The following CNTN4 variants were observed in gnomAD, a reference collection of about 807,000 sequenced individuals.
The protein encoded by CNTN4 is contactin-4.
Under a neutral mutation model 122.5 loss-of-function variants are expected in CNTN4, and 77 were observed. The observed-to-expected ratio is 0.63, with a 90% CI of 0.52 to 0.76. The LOEUF is 0.76. Ranked by LOEUF, CNTN4 falls within the 30% of genes least tolerant of loss-of-function variation. The pLI, the probability that CNTN4 is intolerant of heterozygous loss-of-function variation, is 0.00. For synonymous variants in CNTN4, 512 were observed against 447.0 expected (o/e 1.15, Z -1.83); for missense variants, 1,256 against 1,259.1 (o/e 1.00, Z 0.04).
chr3:2,799,473 T>C (rs2092292012), intron 6 of CNTN4, among the ~76,000 whole-genome samples: 2 of 152,134 alleles, frequency 1.3e-5, no homozygotes, highest in Admixed American at 1.3e-4. Context: ...CAGGTCTTTT[T>C]TTTCTTTGAG....
chr3:2,269,671 T>C (rs918921499), intron 2 of CNTN4, among the ~76,000 whole-genome samples: 1 of 152,102 alleles, frequency 6.6e-6, no homozygotes, highest in Non-Finnish European at 1.5e-5. Context: ...GGTTCTGAAA[T>C]TGATTAAGTA....
intron 4 of CNTN4, among the ~76,000 whole-genome samples, chr3:2,662,344 C>A (rs571796064): frequency 1.3e-5 from 2 of 152,256 alleles, no homozygotes; most frequent in African/African-American, 2.4e-5. Context: ...GTGGCAGCAA[C>A]AACTATGGTT....
intron 2 of CNTN4, among the ~76,000 whole-genome samples, chr3:2,162,017 T>G (rs1020874769): frequency 1.3e-5 from 2 of 152,250 alleles, no homozygotes; most frequent in African/African-American, 2.4e-5. Flanking sequence ...GGTATTGATC[T>G]TATGTCTGTT....
At chr3:2,175,044 C>G (rs911346901) in intron 2 of CNTN4, among the ~76,000 whole-genome samples, 5 of 152,180 alleles carry the variant, frequency 3.3e-5, no homozygotes, top group Admixed American at 2.6e-4. Context: ...AACTATATCA[C>G]TATCACATTG....
chr3:2,120,405 ATTTTT>A (rs57112843), intron 2 of CNTN4, among the ~76,000 whole-genome samples: 2 of 40,880 alleles, frequency 4.9e-5, no homozygotes, highest in African/African-American at 1.1e-4. Flanking sequence ...ATATATATAT[ATTTTT>A]TTTTTTTTTT....
At chr3:2,900,291 CT>C (rs1170105170) in intron 10 of CNTN4, among the ~76,000 whole-genome samples, 5 of 152,172 alleles carry the variant, frequency 3.3e-5, no homozygotes, top group Non-Finnish European at 7.4e-5. Flanking sequence ...TTACCTCTAG[CT>C]GCAAAGCAAT....
rs147031089 is a variant in CNTN4, at chr3:2,323,891, G to A, written c.-144-15287G>A. On this transcript the variant is annotated intron_variant, in intron 2 of 24. Coordinates refer to ENST00000418658, the MANE Select transcript of CNTN4 (RefSeq NM_175607.3). ...TTGTGTGTTTTTGGAAATCTGTACCGTGCATTGGCAATCCAGAGAGTGCTG... is the reference window on the plus strand; with the variant it reads ...TTGTGTGTTTTTGGAAATCTGTACCATGCATTGGCAATCCAGAGAGTGCTG... 1.3e-3 allele frequency among the ~76,000 whole-genome samples: 196 copies of A among 152,282 alleles called. No homozygotes were observed. The Middle Eastern group carries it at 0.014, about 11-fold the overall frequency.
intron 13 of CNTN4, among the ~76,000 whole-genome samples, chr3:2,953,289 G>GAA (rs2094764811): frequency 6.6e-6 from 1 of 152,068 alleles, no homozygotes; most frequent in Non-Finnish European, 1.5e-5. Flanking sequence ...TGACCTTTGT[G>GAA]AATGTTAATT....
chr3:2,968,171 G>A (rs1176014839), intron 13 of CNTN4, among the ~76,000 whole-genome samples: 7 of 152,200 alleles, frequency 4.6e-5, no homozygotes, highest in Non-Finnish European at 1.0e-4. Flanking sequence ...CTGTGGGCAT[G>A]ACCATATTTC....
At chr3:2,189,315 G>A (rs1280605571) in intron 2 of CNTN4, among the ~76,000 whole-genome samples, 1 of 152,130 alleles carries the variant, frequency 6.6e-6, no homozygotes, top group Non-Finnish European at 1.5e-5. Flanking sequence ...CTTCACCGAT[G>A]CCTGCCGCTA....
At chr3:2,782,631 C>T (rs531630432) in intron 6 of CNTN4, among the ~76,000 whole-genome samples, 6 of 152,110 alleles carry the variant, frequency 3.9e-5, no homozygotes, top group Admixed American at 2.0e-4. Flanking sequence ...GATATACCAC[C>T]GGGCGAACAG....
At chr3:2,816,793 T>TCTG (rs2092742094) in intron 6 of CNTN4, among the ~76,000 whole-genome samples, 1 of 124,328 alleles carries the variant, frequency 8.0e-6, no homozygotes, top group South Asian at 2.6e-4. Context: ...TGCACTCCAG[T>TCTG]CTGGCAACAG....
intron 12 of CNTN4, among the ~76,000 whole-genome samples, chr3:2,906,181 A>T (rs1380064357): frequency 2.0e-5 from 3 of 152,018 alleles, no homozygotes; most frequent in Non-Finnish European, 4.4e-5. Flanking sequence ...GGGTCGGGGG[A>T]ATCGGCGGGG....
rs146292526 is a variant in CNTN4 at position 2,829,279 on chromosome 3, T to C, written c.454+9698T>C. On this transcript the variant is annotated intron_variant, in intron 7 of 24. Coordinates refer to ENST00000418658, the MANE Select transcript of CNTN4 (RefSeq NM_175607.3). Reference sequence around the variant, plus strand: ...TTCATTAAGCCTCCTGTTTCACCCATTGAACAGAAAAAGAGAGCCACATTG... The same window carrying C: ...TTCATTAAGCCTCCTGTTTCACCCACTGAACAGAAAAAGAGAGCCACATTG... Among the ~76,000 whole-genome samples, 222 of 152,274 alleles carry C rather than the reference T, an allele frequency of 1.5e-3. 1 individual carries two copies. Among genetic ancestry groups the C allele is most frequent in the Middle Eastern group, 6.8e-3 (2 of 294 alleles).
chr3:2,505,792 CT>C (rs1559615645), intron 3 of CNTN4, among the ~76,000 whole-genome samples: 2 of 152,296 alleles, frequency 1.3e-5, no homozygotes, highest in East Asian at 3.9e-4. Flanking sequence ...CTGAAAAGAG[CT>C]TTTAAAATAT....
intron 3 of CNTN4, among the ~76,000 whole-genome samples, chr3:2,381,741 G>A (rs1189378839): frequency 1.3e-5 from 2 of 152,024 alleles, no homozygotes; most frequent in East Asian, 1.9e-4. Context: ...CTCTGGTACT[G>A]TTTTGATTAT....
At chr3:2,481,678 C>T (rs574860055) in intron 3 of CNTN4, among the ~76,000 whole-genome samples, 1 of 152,110 alleles carries the variant, frequency 6.6e-6, no homozygotes, top group African/African-American at 2.4e-5. Context: ...GAATTGTAAT[C>T]ACATAATCCC....
At chr3:2,379,154 G>C (rs2045928233) in intron 3 of CNTN4, among the ~76,000 whole-genome samples, 1 of 152,062 alleles carries the variant, frequency 6.6e-6, no homozygotes, top group East Asian at 1.9e-4. Context: ...GATTGAGACA[G>C]TTTTCTAATA....
intron 2 of CNTN4, among the ~76,000 whole-genome samples, chr3:2,107,233 C>T (rs2032523263): frequency 6.6e-6 from 1 of 152,100 alleles, no homozygotes; most frequent in South Asian, 2.1e-4. Context: ...TATAGCAGTA[C>T]CCCACTCTCT....
Sources: gnomAD v4.1 joint callset for allele counts (sites outside exome capture counted in the v4.1 genomes callset) on GRCh38, gnomAD v4.1.1 for gene constraint, MANE v1.5 for transcripts, NCBI Gene and HGNC (gene_info 2026-07-23, HGNC 2026-07-21) for gene names.